The following ATP5F1D variants were observed in gnomAD, a reference collection of about 807,000 sequenced individuals.
The protein encoded by ATP5F1D is ATP synthase F(1) complex subunit delta, mitochondrial.
Under a neutral mutation model 13.0 loss-of-function variants are expected in ATP5F1D, and 16 were observed. The observed-to-expected ratio is 1.23, with a 90% CI of 0.83 to 1.87. The LOEUF is 1.87. Ranked by LOEUF, ATP5F1D falls within the 40% of genes most tolerant of loss-of-function variation. The probability of loss-of-function intolerance (pLI) is 0.00; values close to 1 mark genes in which losing one functional copy is unlikely to be tolerated. For synonymous variants in ATP5F1D, 129 were observed against 116.2 expected (o/e 1.11, Z -0.71); for missense variants, 294 against 246.2 (o/e 1.19, Z -1.30).
rs1018726056 is a variant in ATP5F1D, at chr19:1,244,116, A to G, written c.315A>G (p.Ala105=). ...CCCCAGTGAGCAGCGGTTCCATCGC[A>G]GTGAACGCCGACTCTTCGGTGCAGT... The part of the protein sequence containing the change: ...SKYFVSSGSI[A]VNADSSVQLL... Residue 105 remains alanine, a synonymous_variant, in exon 3 of 4, where the codon GCA becomes GCG. Coordinates refer to ENST00000215375, the MANE Select transcript of ATP5F1D (RefSeq NM_001687.5). The G allele has an allele frequency of 3.1e-6, 5 of 1,611,396 alleles. No individual in the cohort carries two copies. The highest frequency in any genetic ancestry group is 3.3e-5 in the Admixed American group (2 of 59,902).
chr19:1,242,207 C>T (rs2081041019), intron 1 of ATP5F1D: 1 of 767,906 alleles, frequency 1.3e-6, no homozygotes, highest in Non-Finnish European at 1.8e-6. Context: ...TCCTGGGTGC[C>T]CTCCCCGATC....
chr19:1,242,426 C>A (rs1190659942), intron 1 of ATP5F1D, 30 bp from the exon 2 acceptor site: 13 of 1,482,652 alleles, frequency 8.8e-6, no homozygotes, highest in Admixed American at 4.4e-5. Flanking sequence ...CGGCCTGCCC[C>A]GCCATCATTC....
chr19:1,243,996 G>A, intron 2 of ATP5F1D, 101 bp from the exon 3 acceptor site: 1 of 1,192,012 alleles, frequency 8.4e-7, no homozygotes, highest in Non-Finnish European at 1.2e-6. Context: ...GATGTTTGTG[G>A]AGCTCCTGGT....
Position 1,241,987 on chromosome 19 carries a change from C to A in ATP5F1D, c.137C>A (p.Thr46Lys), listed in dbSNP as rs1253864255. Residue 46 changes from threonine to lysine, a missense_variant, in exon 1 of 4, where the codon ACG becomes AAG. Physicochemically the swap from Thr to Lys is moderately conservative, Grantham distance 78 (BLOSUM62 -1). Coordinates refer to ENST00000215375, the MANE Select transcript of ATP5F1D (RefSeq NM_001687.5). ...ATGTCCTTCACCTTCGCCTCTCCCA[C>A]GCAGGTTCGGGCGCTGCGGGTCGGG... Reference protein sequence around the residue: ...NQMSFTFASPTQVFFNGANVR... With the variant: ...NQMSFTFASPKQVFFNGANVR... The A allele has an allele frequency of 2.1e-6, 3 of 1,456,564 alleles. No homozygotes were observed. Among genetic ancestry groups the A allele is most frequent in the Non-Finnish European group, 1.8e-6 (2 of 1,104,180 alleles). The allele number at this position is 1,456,564 out of a possible 1,614,324, so 90.2% of individuals were successfully genotyped here.
In ATP5F1D at chr19:1,241,960, A is replaced by T; in HGVS notation, c.110A>T (p.Gln37Leu). ...CCGGCTGCCGCCTCTGGCCCCAACC[A>T]GATGTCCTTCACCTTCGCCTCTCCC... The part of the protein sequence containing the change: ...AAPAAASGPN[Q>L]MSFTFASPTQ... Residue 37 changes from glutamine to leucine, a missense_variant, in exon 1 of 4, where the codon CAG (glutamine) becomes CTG (leucine). Coordinates refer to ENST00000215375, the MANE Select transcript of ATP5F1D (RefSeq NM_001687.5). 6.7e-7 allele frequency: 1 copy of T among 1,487,766 alleles called. No individual in the cohort carries two copies. The highest frequency in any genetic ancestry group is 8.9e-7 in the Non-Finnish European group (1 of 1,119,964). 92.2% of individuals were successfully genotyped at this position (1,487,766 alleles called of 1,614,324 possible).
intron 2 of ATP5F1D, 31 bp downstream of exon 2, chr19:1,242,640 C>A (rs2081043543): frequency 1.4e-6 from 2 of 1,467,918 alleles, no homozygotes; most frequent in African/African-American, 1.4e-5. Context: ...CAGGGCCAGG[C>A]CAGGCTGGGG....
At chr19:1,242,680 G>T in intron 2 of ATP5F1D, 71 bp downstream of exon 2, 1 of 1,390,110 alleles carries the variant, frequency 7.2e-7, no homozygotes, top group Non-Finnish European at 9.4e-7. Context: ...CTCCGTCTCA[G>T]TTGAGGCTGC....
chr19:1,242,626 G>A lies in ATP5F1D; in HGVS notation c.295+17G>A. 2 of 1,492,848 alleles carry A rather than the reference G, an allele frequency of 1.3e-6. No homozygotes were observed. The highest frequency in any genetic ancestry group is 1.8e-6 in the Non-Finnish European group (2 of 1,110,762). 92.5% of individuals were successfully genotyped at this position (1,492,848 alleles called of 1,614,324 possible). Reference sequence around the variant, plus strand: ...AATACTTTGGTGAGTCCGGTGGAGGGCTGCAGGGCCAGGCCAGGCTGGGGC... The same window carrying A: ...AATACTTTGGTGAGTCCGGTGGAGGACTGCAGGGCCAGGCCAGGCTGGGGC... On this transcript the variant is annotated intron_variant, in intron 2 of 3. Transcript: ENST00000215375.
intron 3 of ATP5F1D, 52 bp downstream of exon 3, chr19:1,244,237 C>A (rs368262732): frequency 3.2e-6 from 5 of 1,586,042 alleles, no homozygotes; most frequent in Middle Eastern, 1.7e-4. Context: ...GTCCAGGCTG[C>A]GGGGGAGGGA....
chr19:1,242,244 G>T, intron 1 of ATP5F1D: 1 of 763,386 alleles, frequency 1.3e-6, no homozygotes, highest in Non-Finnish European at 1.8e-6. Flanking sequence ...GGGTGTCGCC[G>T]GATCGTTGCA....
chr19:1,242,265 G>A, intron 1 of ATP5F1D, 191 bp from the exon 2 acceptor site: 2 of 792,946 alleles, frequency 2.5e-6, no homozygotes, highest in South Asian at 3.5e-5. Flanking sequence ...TTCCCATTTC[G>A]CGGATCAGTA....
Position 1,242,016 on chromosome 19 carries a change from C to G in ATP5F1D, c.141+25C>G, listed in dbSNP as rs566595746. ...GGTTCGGGCGCTGCGGGTCGGGACCCTCCGTGGCCGCCGCCCCCGGAGTCC... is the reference window on the plus strand; with the variant it reads ...GGTTCGGGCGCTGCGGGTCGGGACCGTCCGTGGCCGCCGCCCCCGGAGTCC... On this transcript the variant is annotated intron_variant, in intron 1 of 3. Transcript: ENST00000215375. The G allele has an allele frequency of 1.6e-5, 22 of 1,383,232 alleles. No homozygotes were observed. The South Asian group carries it at 3.2e-4, about 20-fold the overall frequency. 85.7% of individuals were successfully genotyped at this position (1,383,232 alleles called of 1,614,324 possible).
Position 1,244,669 on chromosome 19 carries a change from G to A in ATP5F1D, c.*232G>A. On this transcript the variant is annotated 3_prime_UTR_variant, in exon 4 of 4. Coordinates refer to ENST00000215375, the MANE Select transcript of ATP5F1D (RefSeq NM_001687.5). ...TTTGAGCTGTGGCTGCCACCCATGG[G>A]GCTCTCCTTCCGCCTCTCAAGATCC... The A allele has an allele frequency of 1.6e-6, 1 of 619,282 alleles. No individual in the cohort carries two copies. Among genetic ancestry groups the A allele is most frequent in the East Asian group, 3.1e-5 (1 of 32,126 alleles). The allele number at this position is 619,282 out of a possible 1,614,324, so 38.4% of individuals were successfully genotyped here.
At chr19:1,242,358 G>A in intron 1 of ATP5F1D, 98 bp from the exon 2 acceptor site, 1 of 1,338,964 alleles carries the variant, frequency 7.5e-7, no homozygotes, top group Non-Finnish European at 9.7e-7. Flanking sequence ...ATCAGCGCCA[G>A]GTCCTGCCCT....
chr19:1,244,533 G>A lies in ATP5F1D; in HGVS notation c.*96G>A. On this transcript the variant is annotated 3_prime_UTR_variant, in exon 4 of 4. Coordinates refer to ENST00000215375, the MANE Select transcript of ATP5F1D (RefSeq NM_001687.5). ...CCTGGGGTCCCGGCCACCTGGGGAA[G>A]CCGCGCCTGCCAAGGAGGCCACCAG... 9.4e-6 allele frequency: 14 copies of A among 1,484,240 alleles called. No individual in the cohort carries two copies. Among genetic ancestry groups the A allele is most frequent in the Non-Finnish European group, 1.2e-5 (13 of 1,111,940 alleles). The allele number at this position is 1,484,240 out of a possible 1,614,324, so 91.9% of individuals were successfully genotyped here.
intron 3 of ATP5F1D, 27 bp from the exon 4 acceptor site, chr19:1,244,288 C>G: frequency 6.3e-7 from 1 of 1,583,252 alleles, no homozygotes; most frequent in Non-Finnish European, 8.6e-7. Flanking sequence ...CGCTGCTGGC[C>G]CCTCACCGCC....
At position 1,241,949 on chromosome 19, in the gene ATP5F1D, T is replaced by C. The variant is rs1359183250; in HGVS notation, c.99T>C (p.Ser33=). ...CCGCCGCCGCCCCGGCTGCCGCCTCTGGCCCCAACCAGATGTCCTTCACCT... is the reference window on the plus strand; with the variant it reads ...CCGCCGCCGCCCCGGCTGCCGCCTCCGGCCCCAACCAGATGTCCTTCACCT... The part of the protein sequence containing the change: ...AEAAAAPAAA[S]GPNQMSFTFA... The change falls in exon 1 of 4, where the codon TCT becomes TCC. Residue 33 remains serine, a synonymous_variant. Coordinates refer to ENST00000215375, the MANE Select transcript of ATP5F1D (RefSeq NM_001687.5). The C allele has an allele frequency of 4.0e-6, 6 of 1,496,630 alleles. No individual in the cohort carries two copies. Among genetic ancestry groups the C allele is most frequent in the Non-Finnish European group, 5.3e-6 (6 of 1,125,176 alleles). The allele number at this position is 1,496,630 out of a possible 1,614,324, so 92.7% of individuals were successfully genotyped here. A position where few individuals can be genotyped will look rare whatever the true frequency, so the allele number is the denominator to read the frequency against.
Position 1,244,386 on chromosome 19 carries a change from G to A in ATP5F1D, c.456G>A (p.Glu152=). The part of the protein sequence containing the change: ...VGTADEATRA[E]IQIRIEANEA... ...CAGCTGACGAGGCCACGCGGGCAGAGATCCAGATCCGAATCGAGGCCAACG... is the reference window on the plus strand; with the variant it reads ...CAGCTGACGAGGCCACGCGGGCAGAAATCCAGATCCGAATCGAGGCCAACG... Residue 152 remains glutamate (E), a synonymous_variant, in exon 4 of 4, where the codon GAG becomes GAA. Transcript: ENST00000215375. 1 of 1,574,252 alleles carries A rather than the reference G, an allele frequency of 6.4e-7. No individual in the cohort carries two copies. Among genetic ancestry groups the A allele is most frequent in the Non-Finnish European group, 8.6e-7 (1 of 1,159,902 alleles).
chr19:1,241,935 C>G lies in ATP5F1D; in HGVS notation c.85C>G (p.Pro29Ala). 1 of 1,497,488 alleles carries G rather than the reference C, an allele frequency of 6.7e-7. No individual in the cohort carries two copies. Among genetic ancestry groups the G allele is most frequent in the Admixed American group, 2.1e-5 (1 of 48,732 alleles). The allele number at this position is 1,497,488 out of a possible 1,614,324, so 92.8% of individuals were successfully genotyped here. ...TGCCTATGCCGAGGCCGCCGCCGCCCCGGCTGCCGCCTCTGGCCCCAACCA... is the reference window on the plus strand; with the variant it reads ...TGCCTATGCCGAGGCCGCCGCCGCCGCGGCTGCCGCCTCTGGCCCCAACCA... Reference protein sequence around the residue: ...ARAYAEAAAAPAAASGPNQMS... With the variant: ...ARAYAEAAAAAAAASGPNQMS... The change falls in exon 1 of 4, where the codon CCG (proline) becomes GCG (alanine). Residue 29 changes from proline (P) to alanine (A), a missense_variant. Pro to Ala is a conservative substitution (Grantham distance 27). Transcript: ENST00000215375.
Sources: allele counts gnomAD v4.1 joint callset, GRCh38; gene constraint gnomAD v4.1.1; transcripts MANE v1.5; gene names NCBI Gene and HGNC (gene_info 2026-07-23, HGNC 2026-07-21).